CREB5: variants seen among roughly 807,000 people sequenced by gnomAD.
CREB5 encodes the protein cyclic AMP-responsive element-binding protein 5.
In CREB5, 19 loss-of-function variants were observed where a neutral mutation model predicts 57.1. The observed-to-expected ratio is 0.33, with a 90% confidence interval of 0.23 to 0.49. The LOEUF (loss-of-function observed/expected upper bound fraction) is 0.49. Among genes scored for constraint, CREB5 ranks in the 20% least tolerant of loss-of-function variants. The pLI is 0.99. For missense variants in CREB5, 579 were observed against 671.6 expected (o/e 0.86, Z 1.52); for synonymous variants, 238 against 238.3 (o/e 1.00, Z 0.01).
intron 5 of CREB5, among the ~76,000 whole-genome samples, chr7:28,702,313 G>GA (rs1801903035): frequency 6.6e-6 from 1 of 152,180 alleles, no homozygotes; most frequent in Non-Finnish European, 1.5e-5. Context: ...ACTTTCGTAA[G>GA]AACACTTGAA....
chr7:28,520,130 C>T (rs954386441), intron 4 of CREB5, among the ~76,000 whole-genome samples: 7 of 152,292 alleles, frequency 4.6e-5, no homozygotes, highest in South Asian at 2.1e-4. Context: ...TCAGCTCATC[C>T]GCCTGGATTA....
intron 9 of CREB5, among the ~76,000 whole-genome samples, chr7:28,816,377 TG>T (rs1413298649): frequency 6.6e-6 from 1 of 152,204 alleles, no homozygotes; most frequent in East Asian, 1.9e-4. Flanking sequence ...CACATTCATT[TG>T]GAGTTGGGAG....
chr7:28,700,145 G>A (rs1426520158), intron 5 of CREB5, among the ~76,000 whole-genome samples: 2 of 152,078 alleles, frequency 1.3e-5, no homozygotes, highest in Non-Finnish European at 2.9e-5. Context: ...GGCCTTTGTT[G>A]ACATATTTTA....
chr7:28,685,259 A>C (rs1800811969), intron 5 of CREB5, among the ~76,000 whole-genome samples: 1 of 152,074 alleles, frequency 6.6e-6, no homozygotes, highest in East Asian at 1.9e-4. Flanking sequence ...TCAGAAAGGC[A>C]AGTTTTGTGT....
At chr7:28,673,691 A>T (rs1220871210) in intron 5 of CREB5, among the ~76,000 whole-genome samples, 1 of 101,452 alleles carries the variant, frequency 9.9e-6, no homozygotes, top group East Asian at 2.7e-4. Flanking sequence ...TTTTTTGGAG[A>T]CATTCGAGTC....
intron 1 of CREB5, among the ~76,000 whole-genome samples, chr7:28,391,621 C>T (rs1787217844): frequency 6.6e-6 from 1 of 152,178 alleles, no homozygotes; most frequent in Non-Finnish European, 1.5e-5. Flanking sequence ...CTTGGCATCC[C>T]TCAGTGTGCT....
At chr7:28,703,399 G>A (rs139314836) in intron 5 of CREB5, among the ~76,000 whole-genome samples, 1 of 152,156 alleles carries the variant, frequency 6.6e-6, no homozygotes, top group Non-Finnish European at 1.5e-5. Flanking sequence ...AAGGAAATAT[G>A]AGGGGAAAGA....
intron 5 of CREB5, among the ~76,000 whole-genome samples, chr7:28,662,413 C>T (rs982450510): frequency 2.6e-5 from 4 of 152,164 alleles, no homozygotes; most frequent in African/African-American, 4.8e-5. Flanking sequence ...GAGTTCCAAA[C>T]GCAATGTGGG....
chr7:28,717,910 A>G (rs1052497243), intron 5 of CREB5, among the ~76,000 whole-genome samples: 2 of 152,208 alleles, frequency 1.3e-5, no homozygotes, highest in Admixed American at 1.3e-4. Flanking sequence ...CTTGTTTGCC[A>G]TTTTTAATAA....
At chr7:28,528,442 C>T (rs772857941) in intron 4 of CREB5, among the ~76,000 whole-genome samples, 38 of 152,162 alleles carry the variant, frequency 2.5e-4, no homozygotes, top group Non-Finnish European at 5.0e-4. Context: ...CAGTGGCTCA[C>T]GCCTGTAATC....
At chr7:28,622,287 A>ACACACACACT (rs1324786480) in intron 5 of CREB5, among the ~76,000 whole-genome samples, 1 of 148,890 alleles carries the variant, frequency 6.7e-6, no homozygotes, top group African/African-American at 2.6e-5. Context: ...ACACACACAC[A>ACACACACACT]CACACACTCC....
At chr7:28,398,588 C>A (rs1787384436) in intron 1 of CREB5, among the ~76,000 whole-genome samples, 2 of 152,158 alleles carry the variant, frequency 1.3e-5, no homozygotes, top group Non-Finnish European at 2.9e-5. Flanking sequence ...TGCTTTATAG[C>A]AAATCGCATG....
chr7:28,646,874 TACAACAACAGGAGCA>T (rs1420148106), intron 5 of CREB5, among the ~76,000 whole-genome samples: 1 of 152,016 alleles, frequency 6.6e-6, no homozygotes, highest in African/African-American at 2.4e-5. Context: ...TAGCTACCAG[TACAACAACAGGAGCA>T]ACAATAACAA....
chr7:28,656,746 C>T (rs1022335815), intron 5 of CREB5, among the ~76,000 whole-genome samples: 1 of 152,120 alleles, frequency 6.6e-6, no homozygotes, highest in Non-Finnish European at 1.5e-5. Flanking sequence ...TCATGCATCT[C>T]GAGAGTTGAG....
intron 4 of CREB5, among the ~76,000 whole-genome samples, chr7:28,520,522 C>A (rs1022799077): frequency 1.4e-4 from 22 of 152,262 alleles, no homozygotes; most frequent in African/African-American, 5.3e-4. Flanking sequence ...AAATCCCCTT[C>A]CCAACGGCTG....
At chr7:28,679,670 G>A (rs2128723538) in intron 5 of CREB5, among the ~76,000 whole-genome samples, 1 of 152,330 alleles carries the variant, frequency 6.6e-6, no homozygotes, top group South Asian at 2.1e-4. Context: ...TAAGATGGTT[G>A]TCTTCCCACA....
chr7:28,374,351 C>T (rs963137343), intron 1 of CREB5, among the ~76,000 whole-genome samples: 1 of 152,306 alleles, frequency 6.6e-6, no homozygotes, highest in African/African-American at 2.4e-5. Flanking sequence ...CTAGCAACTT[C>T]ATTCCAAACA....
intron 1 of CREB5, among the ~76,000 whole-genome samples, chr7:28,386,169 A>G (rs2127996916): frequency 6.6e-6 from 1 of 152,290 alleles, no homozygotes; most frequent in Non-Finnish European, 1.5e-5. Context: ...CTGACATCTC[A>G]GACCTTCCTT....
intron 4 of CREB5, among the ~76,000 whole-genome samples, chr7:28,526,774 C>T (rs540935457): frequency 6.6e-6 from 1 of 152,330 alleles, no homozygotes; most frequent in East Asian, 1.9e-4. Context: ...GTGATCCTGT[C>T]CTCCTGGGAT....
Sources: allele counts gnomAD v4.1 joint callset (sites outside exome capture counted in the v4.1 genomes callset), GRCh38; gene constraint gnomAD v4.1.1; transcripts MANE v1.5; gene names NCBI Gene and HGNC (gene_info 2026-07-23, HGNC 2026-07-21).